The following RBM27 variants were observed in gnomAD, a reference collection of about 807,000 sequenced individuals.
The protein encoded by RBM27 is RNA binding motif protein 27, also known as RNA-binding protein 27.
In RBM27, 22 loss-of-function variants were observed where a neutral mutation model predicts 135.3. The observed-to-expected ratio is 0.16, with a 90% CI of 0.12 to 0.23. The LOEUF (loss-of-function observed/expected upper bound fraction) is 0.23, where lower values mean the gene tolerates loss of function less well. Ranked by LOEUF, RBM27 falls within the 10% of genes least tolerant of loss-of-function variation. The pLI is 1.00. For missense variants in RBM27, 1,009 were observed against 1,281.0 expected (o/e 0.79, Z 3.24); for synonymous variants, 481 against 442.4 (o/e 1.09, Z -1.10).
chr5:146,270,004 A>C (rs1196127689), intron 17 of RBM27, among the ~76,000 whole-genome samples: 1 of 152,194 alleles, frequency 6.6e-6, no homozygotes, highest in African/African-American at 2.4e-5. Flanking sequence ...AGATGACACT[A>C]TTAAAGTGAT....
chr5:146,240,862 C>T (rs1240633653), intron 8 of RBM27, among the ~76,000 whole-genome samples: 1 of 152,012 alleles, frequency 6.6e-6, no homozygotes, highest in East Asian at 1.9e-4. Flanking sequence ...ATGTTTGTTG[C>T]TCATTTTTTA....
At chr5:146,212,415 C>CATA (rs1410043551) in intron 1 of RBM27, among the ~76,000 whole-genome samples, 11 of 152,096 alleles carry the variant, frequency 7.2e-5, no homozygotes, top group African/African-American at 2.7e-4. Flanking sequence ...GTGGCATGGT[C>CATA]ATAGCTCACT....
chr5:146,228,732 C>G (rs55937908), intron 3 of RBM27, among the ~76,000 whole-genome samples: 32,705 of 151,974 alleles, frequency 0.22, 4,310 homozygotes, highest in Admixed American at 0.33. Context: ...TCCTGAGTAG[C>G]TGGGACTACA....
chr5:146,271,371 GCC>G, intron 18 of RBM27, 110 bp from the exon 19 acceptor site: 1 of 1,020,670 alleles, frequency 9.8e-7, no homozygotes, highest in Non-Finnish European at 1.4e-6. Context: ...TTGCACTCGA[GCC>G]TAGGCAACGA....
At chr5:146,252,770 C>G (rs1030414112) in intron 9 of RBM27, among the ~76,000 whole-genome samples, 2 of 152,124 alleles carry the variant, frequency 1.3e-5, no homozygotes, top group South Asian at 4.1e-4. Context: ...GTTAGATTTA[C>G]TTTTAAGCTA....
chr5:146,268,656 C>T (rs1758728858), intron 15 of RBM27, among the ~76,000 whole-genome samples: 1 of 152,102 alleles, frequency 6.6e-6, no homozygotes, highest in African/African-American at 2.4e-5. Flanking sequence ...GATCATGGCC[C>T]AGTGCAGCCT....
At chr5:146,221,736 A>G (rs570071079) in intron 2 of RBM27, among the ~76,000 whole-genome samples, 1 of 152,234 alleles carries the variant, frequency 6.6e-6, no homozygotes, top group East Asian at 1.9e-4. Context: ...CTGGCCAGAA[A>G]TTGATTTTTA....
At chr5:146,251,995 T>C in intron 9 of RBM27, 120 bp downstream of exon 9, 1 of 1,129,898 alleles carries the variant, frequency 8.9e-7, no homozygotes, top group Non-Finnish European at 1.3e-6. Context: ...AGCTCATAGG[T>C]AGTTTTATTT....
intron 8 of RBM27, among the ~76,000 whole-genome samples, chr5:146,239,489 TTTTTTTG>T (rs1757312903): frequency 6.8e-6 from 1 of 146,200 alleles, no homozygotes; most frequent in Admixed American, 6.8e-5. Flanking sequence ...TTTTTTTTTT[TTTTTTTG>T]AGACAAAGTC....
intron 11 of RBM27, 22 bp from the exon 12 acceptor site, chr5:146,260,723 G>A (rs756149450): frequency 4.4e-6 from 7 of 1,574,448 alleles, no homozygotes; most frequent in Admixed American, 3.8e-5. Context: ...AATTAACCAA[G>A]ATGTATTAAT....
intron 13 of RBM27, 73 bp from the exon 14 acceptor site, chr5:146,263,418 C>A: frequency 7.0e-7 from 1 of 1,423,866 alleles, no homozygotes; most frequent in Non-Finnish European, 9.6e-7. Context: ...CTAGAGTAAT[C>A]ATCTTAAATT....
intron 19 of RBM27, among the ~76,000 whole-genome samples, chr5:146,274,121 A>T (rs1230186094): frequency 6.6e-6 from 1 of 151,718 alleles, no homozygotes; most frequent in Non-Finnish European, 1.5e-5. Context: ...AGTAGCTGGG[A>T]TTACAGGTGT....
At chr5:146,213,733 A>G (rs1331414648) in intron 1 of RBM27, among the ~76,000 whole-genome samples, 1 of 152,206 alleles carries the variant, frequency 6.6e-6, no homozygotes, top group Non-Finnish European at 1.5e-5. Flanking sequence ...GTACTGGCTC[A>G]GCAGTTGTGT....
rs192335654 is a variant in RBM27, at chr5:146,264,000, G to T, written c.2331+369G>T. Among the ~76,000 whole-genome samples the T allele has an allele frequency of 2.2e-4, 33 of 151,628 alleles. 4 individuals are homozygous for T. The East Asian group carries it at 6.4e-3, about 29-fold the overall frequency. ...CAGACACCTGTAATCCCAGCTACCC[G>T]GGAGGCTGAGGCACGAGAATCACTT... On this transcript the variant is annotated intron_variant, in intron 14 of 20. Transcript: ENST00000265271.
At chr5:146,274,222 C>T (rs1402505665) in intron 19 of RBM27, among the ~76,000 whole-genome samples, 4 of 143,490 alleles carry the variant, frequency 2.8e-5, no homozygotes, top group African/African-American at 7.7e-5. Context: ...ACACATACTC[C>T]TTTTTTTTTT....
At chr5:146,239,979 A>G (rs1038918778) in intron 8 of RBM27, among the ~76,000 whole-genome samples, 8 of 151,686 alleles carry the variant, frequency 5.3e-5, no homozygotes, top group African/African-American at 1.7e-4. Flanking sequence ...GAGTCTCACT[A>G]TGTTGCTCAG....
chr5:146,269,380 T>G (rs1176082532), intron 16 of RBM27, 40 bp from the exon 17 acceptor site: 9 of 1,502,016 alleles, frequency 6.0e-6, no homozygotes, highest in Non-Finnish European at 8.1e-6. Context: ...ATATTAAAGT[T>G]TATTAAGCAT....
intron 9 of RBM27, among the ~76,000 whole-genome samples, chr5:146,252,268 C>A (rs548345482): frequency 6.6e-6 from 1 of 152,196 alleles, no homozygotes; most frequent in Non-Finnish European, 1.5e-5. Context: ...TCTTGCCGAT[C>A]ATATCCTTTT....
At chr5:146,266,242 C>T (rs1215183363) in intron 14 of RBM27, among the ~76,000 whole-genome samples, 1 of 152,326 alleles carries the variant, frequency 6.6e-6, no homozygotes, top group Middle Eastern at 3.4e-3. Context: ...AGAGGGACAT[C>T]TTCAAGGGTA....
Sources: allele counts gnomAD v4.1 joint callset (sites outside exome capture counted in the v4.1 genomes callset), GRCh38; gene constraint gnomAD v4.1.1; transcripts MANE v1.5; gene names NCBI Gene and HGNC (gene_info 2026-07-23, HGNC 2026-07-21).